MTOR: variants seen among roughly 807,000 people sequenced by gnomAD.
MTOR encodes the protein mechanistic target of rapamycin kinase.
MTOR carries 70 observed loss-of-function variants against 319.8 expected under a neutral mutation model. The ratio of observed to expected loss-of-function variants is 0.22; its 90% CI spans 0.18 to 0.27. MTOR has a LOEUF of 0.27. Ranked by LOEUF, MTOR falls within the 10% of genes least tolerant of loss-of-function variation. MTOR has a pLI of 1.00. For synonymous variants in MTOR, 1,183 were observed against 1,211.4 expected (o/e 0.98, Z 0.49); for missense variants, 1,890 against 3,274.4 (o/e 0.58, Z 10.32).
At chr1:11,221,085 C>T (rs1275927916) in intron 19 of MTOR, among the ~76,000 whole-genome samples, 2 of 151,770 alleles carry the variant, frequency 1.3e-5, no homozygotes, top group African/African-American at 4.8e-5. Flanking sequence ...ACCTCTGTCT[C>T]CCGGGTTCAA....
intron 25 of MTOR, among the ~76,000 whole-genome samples, chr1:11,206,085 G>A (rs895244488): frequency 1.3e-5 from 2 of 152,174 alleles, no homozygotes; most frequent in African/African-American, 4.8e-5. Flanking sequence ...CATACAACGA[G>A]AACCTCTGAA....
At chr1:11,132,780 T>C (rs903223267) in intron 38 of MTOR, 2 of 283,440 alleles carry the variant, frequency 7.1e-6, no homozygotes, top group Non-Finnish European at 1.3e-5. Context: ...ATTAACCATG[T>C]GTCCAGATGC....
At chr1:11,205,295 A>C (rs1055079062) in intron 25 of MTOR, among the ~76,000 whole-genome samples, 3 of 152,200 alleles carry the variant, frequency 2.0e-5, no homozygotes, top group African/African-American at 7.2e-5. Context: ...AGGTGGGTGG[A>C]AAGGCTGAGG....
chr1:11,257,185 A>G lies in MTOR; in HGVS notation c.272-20T>C, dbSNP rs753473493. On this transcript the variant is annotated intron_variant, in intron 3 of 57. Transcript: ENST00000361445. ...GGCTAGCTGCAAAAGAGAGGAAGGC[A>G]AAAGGTGATGATGGGGCGTATGCTG... 6.3e-7 allele frequency: 1 copy of G among 1,597,280 alleles called. No individual in the cohort carries two copies. The highest frequency in any genetic ancestry group is 8.6e-7 in the Non-Finnish European group (1 of 1,168,616).
chr1:11,199,147 G>T lies in MTOR; in HGVS notation c.4253+111C>A. 1 of 1,401,492 alleles carries T rather than the reference G, an allele frequency of 7.1e-7. No homozygotes were observed. Among genetic ancestry groups the T allele is most frequent in the Non-Finnish European group, 1.0e-6 (1 of 1,004,444 alleles). 86.8% of individuals were successfully genotyped at this position (1,401,492 alleles called of 1,614,324 possible). On this transcript the variant is annotated intron_variant, in intron 28 of 57. Coordinates refer to ENST00000361445, the MANE Select transcript of MTOR (RefSeq NM_004958.4). The surrounding 1 kb of genome is among the most constrained non-coding windows in gnomAD (Gnocchi z 4.5). ...AACATGCTGGCCAGACCCAGAGGCA[G>T]ATTTCACAGAGCAGAAGTCTTCAAG...
intron 26 of MTOR, among the ~76,000 whole-genome samples, chr1:11,201,765 A>G (rs1479801354): frequency 6.6e-6 from 1 of 152,122 alleles, no homozygotes; most frequent in Non-Finnish European, 1.5e-5. Flanking sequence ...ATTTACTTAC[A>G]TTATATTATA....
chr1:11,216,068 AAGTCT>A, intron 20 of MTOR, 75 bp downstream of exon 20: 1 of 972,108 alleles, frequency 1.0e-6, no homozygotes, highest in Non-Finnish European at 1.6e-6. Flanking sequence ...CCGTGAAAAA[AAGTCT>A]ATGTCATTCA....
At chr1:11,186,140 G>T (rs1379120223) in intron 28 of MTOR, among the ~76,000 whole-genome samples, 1 of 151,202 alleles carries the variant, frequency 6.6e-6, no homozygotes, top group African/African-American at 2.4e-5. Context: ...AGTATGGCAG[G>T]CTGTGGTTTT....
intron 28 of MTOR, among the ~76,000 whole-genome samples, chr1:11,181,680 C>T (rs1426577480): frequency 6.6e-6 from 1 of 152,180 alleles, no homozygotes; most frequent in Non-Finnish European, 1.5e-5. Context: ...CAGCGAAGAC[C>T]TCACCACAGT....
intron 19 of MTOR, among the ~76,000 whole-genome samples, chr1:11,218,931 G>C (rs2100816362): frequency 6.6e-6 from 1 of 152,272 alleles, no homozygotes. Context: ...GAAGTGGCCA[G>C]GCGCAGTGGC....
chr1:11,111,959 A>AAAACAAAC (rs3841793), intron 54 of MTOR, among the ~76,000 whole-genome samples: 225 of 150,566 alleles, frequency 1.5e-3, no homozygotes, highest in South Asian at 3.8e-3. Context: ...ATTTTACTCA[A>AAAACAAAC]AAACAAACAA....
At chr1:11,146,621 A>G in intron 32 of MTOR, 55 bp downstream of exon 32, 1 of 1,396,186 alleles carries the variant, frequency 7.2e-7, no homozygotes, top group Non-Finnish European at 1.0e-6. Flanking sequence ...CCGTGGGCTT[A>G]GAAGCACTAC....
At chr1:11,171,484 G>A (rs986003486) in intron 28 of MTOR, among the ~76,000 whole-genome samples, 2 of 151,804 alleles carry the variant, frequency 1.3e-5, no homozygotes, top group African/African-American at 4.9e-5. Context: ...ACCGAAGCTC[G>A]ATTCATTCCG....
In MTOR at chr1:11,210,803, G is replaced by C. The variant is rs1281026124; in HGVS notation, c.3654+11C>G. ...ACAGGGACTTCAGAACAGAAAAGAA[G>C]TATAGTTCACCTTGACAATTCTGCA... On this transcript the variant is annotated intron_variant, in intron 24 of 57. Coordinates refer to ENST00000361445, the MANE Select transcript of MTOR (RefSeq NM_004958.4). The C allele has an allele frequency of 3.8e-6, 6 of 1,587,808 alleles. No homozygotes were observed. In the African/African-American group the frequency reaches 8.1e-5, roughly 21 times the overall value.
At chr1:11,196,883 T>C (rs1216433164) in intron 28 of MTOR, among the ~76,000 whole-genome samples, 1 of 150,024 alleles carries the variant, frequency 6.7e-6, no homozygotes, top group African/African-American at 2.4e-5. Flanking sequence ...AGAAAAGAAA[T>C]AGCTGAACAA....
intron 8 of MTOR, 49 bp from the exon 9 acceptor site, chr1:11,243,349 C>T (rs768820383): frequency 1.3e-6 from 2 of 1,551,674 alleles, no homozygotes; most frequent in Admixed American, 3.8e-5. Flanking sequence ...GGGTTAGGGT[C>T]TACATATCAA....
chr1:11,169,458 G>A (rs11121695), intron 28 of MTOR, among the ~76,000 whole-genome samples: 38,169 of 152,042 alleles, frequency 0.25, 5,091 homozygotes, highest in African/African-American at 0.33. Flanking sequence ...GGAAAAGTTG[G>A]GGGTGAAACA....
intron 5 of MTOR, among the ~76,000 whole-genome samples, chr1:11,254,563 T>G (rs930640951): frequency 6.7e-6 from 1 of 150,294 alleles, no homozygotes; most frequent in African/African-American, 2.4e-5. Context: ...AAGGCAAGAC[T>G]GGAACCCGCA....
intron 34 of MTOR, among the ~76,000 whole-genome samples, chr1:11,140,309 T>A (rs1449228018): frequency 2.0e-5 from 2 of 100,918 alleles, no homozygotes; most frequent in African/African-American, 7.7e-5. Context: ...TTCCACAGAT[T>A]GGGTGGGGGG....
Sources: gnomAD v4.1 joint callset for allele counts (sites outside exome capture counted in the v4.1 genomes callset) on GRCh38, gnomAD v4.1.1 for gene constraint, Gnocchi (gnomAD v3.1) non-coding constraint, MANE v1.5 for transcripts, NCBI Gene and HGNC (gene_info 2026-07-23, HGNC 2026-07-21) for gene names.